EML6: variants seen among roughly 807,000 people sequenced by gnomAD.
EML6 encodes the protein echinoderm microtubule-associated protein-like 6.
A neutral mutation model predicts 240.1 loss-of-function variants in EML6; 154 were observed. The observed-to-expected ratio is 0.64, with a 90% CI of 0.56 to 0.73. The LOEUF (loss-of-function observed/expected upper bound fraction) is 0.73. Ranked by LOEUF, EML6 falls within the 30% of genes least tolerant of loss-of-function variation. The probability of loss-of-function intolerance (pLI) is 0.00; values close to 1 mark genes in which losing one functional copy is unlikely to be tolerated. For missense variants in EML6, 2,964 were observed against 2,474.6 expected, an observed-to-expected ratio of 1.20 and a Z score of -4.20; for synonymous variants, 1,148 against 899.0, an observed-to-expected ratio of 1.28 and a Z score of -4.95.
chr2:54,761,136 T>C (rs952292688), intron 2 of EML6, among the ~76,000 whole-genome samples: 4 of 152,148 alleles, frequency 2.6e-5, no homozygotes, highest in African/African-American at 9.7e-5. Flanking sequence ...CTCATCATTG[T>C]TGAGAAATTG....
intron 25 of EML6, among the ~76,000 whole-genome samples, chr2:54,914,915 C>T (rs1035059918): frequency 3.3e-5 from 5 of 152,112 alleles, no homozygotes; most frequent in East Asian, 1.9e-4. Context: ...AAAGCAGCAC[C>T]ATATTGGGAG....
chr2:54,898,786 G>T (rs1672903571), intron 21 of EML6, among the ~76,000 whole-genome samples: 1 of 152,142 alleles, frequency 6.6e-6, no homozygotes. Context: ...CCAAAATTCA[G>T]TAAACAGTTA....
intron 2 of EML6, among the ~76,000 whole-genome samples, chr2:54,755,806 C>T (rs1667695581): frequency 6.6e-6 from 1 of 152,112 alleles, no homozygotes; most frequent in Non-Finnish European, 1.5e-5. Context: ...ACTACAGGTG[C>T]AGGCAACCAC....
intron 28 of EML6, among the ~76,000 whole-genome samples, chr2:54,935,685 A>G (rs1175684643): frequency 6.6e-6 from 1 of 152,228 alleles, no homozygotes; most frequent in African/African-American, 2.4e-5. Context: ...TTATATTCAC[A>G]TTATGTTTTG....
chr2:54,894,805 G>C (rs1672673747), intron 19 of EML6, 110 bp from the exon 20 acceptor site: 1 of 648,084 alleles, frequency 1.5e-6, no homozygotes, highest in Middle Eastern at 2.5e-4. Flanking sequence ...CATATATTTA[G>C]GAAGGTAGCA....
intron 41 of EML6, 83 bp downstream of exon 41, chr2:54,968,851 T>C (rs991509546): frequency 6.8e-6 from 5 of 736,204 alleles, no homozygotes; most frequent in Admixed American, 6.4e-5. Flanking sequence ...TGGGTCAGCC[T>C]CTCCCAGGGG....
intron 2 of EML6, among the ~76,000 whole-genome samples, chr2:54,808,070 G>A (rs1670591738): frequency 6.6e-6 from 1 of 152,216 alleles, no homozygotes; most frequent in Admixed American, 6.5e-5. Flanking sequence ...TACGGGTTCT[G>A]TGGGGTTCAC....
At chr2:54,917,687 C>T (rs1054790182) in intron 26 of EML6, among the ~76,000 whole-genome samples, 1 of 152,222 alleles carries the variant, frequency 6.6e-6, no homozygotes, top group Admixed American at 6.5e-5. Context: ...AAAGTTCTAC[C>T]TTCTGAACCA....
intron 7 of EML6, among the ~76,000 whole-genome samples, chr2:54,838,723 T>G (rs1669282750): frequency 6.6e-6 from 1 of 152,130 alleles, no homozygotes; most frequent in African/African-American, 2.4e-5. Flanking sequence ...AGATGGGTGA[T>G]TTGCTCTCTA....
chr2:54,921,629 C>A (rs181118413), intron 26 of EML6, among the ~76,000 whole-genome samples: 1 of 151,768 alleles, frequency 6.6e-6, no homozygotes, highest in Non-Finnish European at 1.5e-5. Flanking sequence ...CAAAGCAATC[C>A]CAAGAAAGAA....
intron 22 of EML6, among the ~76,000 whole-genome samples, chr2:54,900,833 T>C (rs749204137): frequency 2.6e-5 from 4 of 152,140 alleles, no homozygotes. Flanking sequence ...ACTAAAGATA[T>C]TTGGCACAAA....
chr2:54,962,735 CAG>C, intron 36 of EML6, 24 bp downstream of exon 36: 1 of 1,444,478 alleles, frequency 6.9e-7, no homozygotes, highest in East Asian at 2.7e-5. Context: ...TGCCCAAACT[CAG>C]ATGCCCACGA....
chr2:54,941,775 A>G (rs1018827368), intron 28 of EML6, among the ~76,000 whole-genome samples: 6 of 152,336 alleles, frequency 3.9e-5, no homozygotes, highest in East Asian at 3.9e-4. Flanking sequence ...TAGTGCACGC[A>G]GGGCGAGGAG....
chr2:54,927,848 C>A (rs1242168383), intron 26 of EML6, among the ~76,000 whole-genome samples: 3 of 152,224 alleles, frequency 2.0e-5, no homozygotes, highest in Non-Finnish European at 2.9e-5. Flanking sequence ...TTACATCTTA[C>A]TTGAGGTCCC....
At position 54,970,311 on chromosome 2, in the gene EML6, G is replaced by A. The variant is rs1195820446; in HGVS notation, c.*216G>A. 1.0e-5 allele frequency: 6 copies of A among 594,536 alleles called. No individual in the cohort carries two copies. The highest frequency in any genetic ancestry group is 1.9e-5 in the African/African-American group (1 of 53,736). 36.8% of individuals were successfully genotyped at this position (594,536 alleles called of 1,614,324 possible). The stretch of plus-strand genomic sequence containing the variant: ...ACGAAGGAAGGTCAAGTTTTAAAAT[G>A]TTAAAGACTGCTTGCCTCTGTTCCT... On this transcript the variant is annotated 3_prime_UTR_variant, in exon 42 of 42. Coordinates refer to ENST00000356458, the MANE Select transcript of EML6 (RefSeq NM_001039753.4).
At position 54,863,851 on chromosome 2, in the gene EML6, G is replaced by A; in HGVS notation, c.1894G>A (p.Asp632Asn). 1 of 1,547,950 alleles carries A rather than the reference G, an allele frequency of 6.5e-7. No individual in the cohort carries two copies. The highest frequency in any genetic ancestry group is 8.7e-7 in the Non-Finnish European group (1 of 1,145,426). Residue 632 changes from aspartate (D) to asparagine (N), a missense_variant, in exon 13 of 42, where the codon GAT becomes AAT. By Grantham distance (23) the Asp-to-Asn change is conservative. Transcript: ENST00000356458. ...DLSDVPELDS[D>N]IEQEAQINYD... is the part of the protein sequence containing the mutation. ...ATCTGATGTGCCCGAACTGGACTCT[G>A]ATATTGAGCAAGAAGCTCAAATCAA...
intron 2 of EML6, among the ~76,000 whole-genome samples, chr2:54,765,801 T>G (rs1668163613): frequency 6.6e-6 from 1 of 151,888 alleles, no homozygotes; most frequent in South Asian, 2.1e-4. Context: ...AAATAGGTAC[T>G]TAATAAATAG....
intron 2 of EML6, among the ~76,000 whole-genome samples, chr2:54,777,243 A>G (rs950901440): frequency 1.3e-5 from 2 of 152,058 alleles, no homozygotes; most frequent in African/African-American, 4.8e-5. Flanking sequence ...ATGCCTTCTC[A>G]CTGCCAGCAA....
chr2:54,826,028 C>T (rs1668574672), intron 5 of EML6, among the ~76,000 whole-genome samples: 1 of 152,212 alleles, frequency 6.6e-6, no homozygotes, highest in Non-Finnish European at 1.5e-5. Context: ...CTTTGAATTT[C>T]CTGCCACCCG....
Sources: gnomAD v4.1 joint callset for allele counts (sites outside exome capture counted in the v4.1 genomes callset) on GRCh38, gnomAD v4.1.1 for gene constraint, MANE v1.5 for transcripts, NCBI Gene and HGNC (gene_info 2026-07-23, HGNC 2026-07-21) for gene names.